SPATA18: variants seen among roughly 807,000 people sequenced by gnomAD.
The protein encoded by SPATA18 is spermatogenesis associated 18.
In SPATA18, 54 loss-of-function variants were observed where a neutral mutation model predicts 68.1. That is an observed-to-expected ratio of 0.79 (90% CI 0.64 to 0.99). The LOEUF is 0.99. Ranked by LOEUF, SPATA18 falls within the 50% of genes least tolerant of loss-of-function variation. The pLI, the probability that SPATA18 is intolerant of heterozygous loss-of-function variation, is 0.00. For missense variants in SPATA18, 724 were observed against 681.1 expected, an observed-to-expected ratio of 1.06 and a Z score of -0.70; for synonymous variants, 242 against 244.8, an observed-to-expected ratio of 0.99 and a Z score of 0.11.
chr4:52,092,701 T>C (rs891462197), intron 11 of SPATA18, among the ~76,000 whole-genome samples: 40 of 152,344 alleles, frequency 2.6e-4, no homozygotes, highest in Admixed American at 1.3e-3. Context: ...GAGCATCTAT[T>C]GTGACTCCTG....
chr4:52,068,521 G>A (rs577224207), intron 4 of SPATA18, among the ~76,000 whole-genome samples: 5 of 152,224 alleles, frequency 3.3e-5, no homozygotes, highest in South Asian at 2.1e-4. Context: ...GGCCCTTGCC[G>A]AGTGGGCATT....
At position 52,095,244 on chromosome 4, in the gene SPATA18, C is replaced by A; in HGVS notation, c.*357C>A. 3.7e-6 allele frequency: 1 copy of A among 271,754 alleles called. No individual in the cohort carries two copies. The highest frequency in any genetic ancestry group is 5.0e-5 in the Admixed American group (1 of 20,134). The allele number at this position is 271,754 out of a possible 1,614,324, so 16.8% of individuals were successfully genotyped here. ...GTGAACTGAAGTGGAAAGCATCTAC[C>A]ATGCTGAGGCTAAAAGAAAAGATGA... On this transcript the variant is annotated 3_prime_UTR_variant, in exon 13 of 13. Transcript: ENST00000295213.
chr4:52,072,273 C>A, intron 6 of SPATA18, 117 bp downstream of exon 6: 1 of 1,459,820 alleles, frequency 6.9e-7, no homozygotes, highest in Non-Finnish European at 9.2e-7. Context: ...CCTCAGCAAT[C>A]TGCCAAGCTT....
chr4:52,054,563 T>C (rs991018320), intron 1 of SPATA18, among the ~76,000 whole-genome samples: 1 of 152,170 alleles, frequency 6.6e-6, no homozygotes, highest in Non-Finnish European at 1.5e-5. Flanking sequence ...GTTACGTTCA[T>C]CCTATATTCA....
intron 4 of SPATA18, among the ~76,000 whole-genome samples, chr4:52,064,271 G>C (rs933945636): frequency 1.3e-5 from 2 of 151,244 alleles, no homozygotes; most frequent in African/African-American, 4.8e-5. Context: ...GGTTTTCTTA[G>C]TTTCTATTTT....
chr4:52,068,815 G>T (rs1739549259), intron 4 of SPATA18, among the ~76,000 whole-genome samples: 1 of 152,132 alleles, frequency 6.6e-6, no homozygotes, highest in Non-Finnish European at 1.5e-5. Context: ...CACTGTTCTG[G>T]GGCAACTTCA....
chr4:52,082,354 A>C (rs1477965138), intron 9 of SPATA18, 33 bp from the exon 10 acceptor site: 1 of 1,600,014 alleles, frequency 6.2e-7, no homozygotes, highest in Non-Finnish European at 8.6e-7. Context: ...TAATTGCTTA[A>C]CTTCTCTTTC....
chr4:52,059,455 G>C (rs557646573), intron 1 of SPATA18, among the ~76,000 whole-genome samples: 2 of 152,306 alleles, frequency 1.3e-5, no homozygotes, highest in East Asian at 3.9e-4. Context: ...TCTTTCAAAG[G>C]AATGAGGAAA....
intron 6 of SPATA18, among the ~76,000 whole-genome samples, chr4:52,074,094 G>A (rs2109467658): frequency 6.6e-6 from 1 of 152,244 alleles, no homozygotes; most frequent in Middle Eastern, 3.4e-3. Context: ...AGTTGCGATA[G>A]TTCCCACAAC....
chr4:52,077,122 G>T (rs946769565), intron 7 of SPATA18, 82 bp downstream of exon 7: 1 of 1,446,046 alleles, frequency 6.9e-7, no homozygotes, highest in Non-Finnish European at 9.3e-7. Flanking sequence ...AACTTACAAA[G>T]ACTAGTGGAT....
chr4:52,069,277 A>C (rs1403251488), intron 4 of SPATA18, among the ~76,000 whole-genome samples: 1 of 152,222 alleles, frequency 6.6e-6, no homozygotes, highest in East Asian at 1.9e-4. Flanking sequence ...GAAAACTCAG[A>C]GAATTTGTGC....
intron 10 of SPATA18, chr4:52,083,221 G>A (rs1741109188): frequency 1.0e-6 from 1 of 985,212 alleles, no homozygotes; most frequent in Admixed American, 6.1e-5. Context: ...TTTTACCCCT[G>A]CCTTTCCTAG....
chr4:52,078,948 T>C (rs1455673892), intron 8 of SPATA18, 55 bp downstream of exon 8: 6 of 1,477,204 alleles, frequency 4.1e-6, no homozygotes, highest in Middle Eastern at 3.7e-4. Flanking sequence ...GCAGTTTATA[T>C]TGAGTACTAA....
intron 11 of SPATA18, among the ~76,000 whole-genome samples, chr4:52,091,985 G>A (rs1403614305): frequency 6.6e-6 from 1 of 152,178 alleles, no homozygotes; most frequent in Non-Finnish European, 1.5e-5. Flanking sequence ...GAACTTCCTA[G>A]CAGCTTTGTT....
At chr4:52,081,167 T>C (rs1740888081) in intron 9 of SPATA18, among the ~76,000 whole-genome samples, 1 of 152,228 alleles carries the variant, frequency 6.6e-6, no homozygotes, top group African/African-American at 2.4e-5. Context: ...TTCAGAACCA[T>C]TCACCATTTT....
Position 52,084,239 on chromosome 4 carries a change from A to G in SPATA18, c.1480-677A>G, listed in dbSNP as rs568342082. 2.9e-3 allele frequency among the ~76,000 whole-genome samples: 435 copies of G among 152,304 alleles called. 2 individuals carry two copies. The highest frequency in any genetic ancestry group is 4.5e-3 in the Non-Finnish European group (308 of 68,030). On this transcript the variant is annotated intron_variant, in intron 10 of 12. Transcript: ENST00000295213. ...AATACCCATTATTCTTACGTTTTAC[A>G]TCAAATAGCCATTGCCTTTTAACTT...
At position 52,067,206 on chromosome 4, in the gene SPATA18, G is replaced by A. The variant is rs139956412; in HGVS notation, c.423-2615G>A. On this transcript the variant is annotated intron_variant, in intron 4 of 12. Coordinates refer to ENST00000295213, the MANE Select transcript of SPATA18 (RefSeq NM_145263.4). ...ATAATCGCCATTCTGACTAGCATGA[G>A]ATGGTATCTCATTGTGGCTTTGATT... 3.3e-3 allele frequency among the ~76,000 whole-genome samples: 507 copies of A among 152,266 alleles called. 2 individuals carry two copies. The highest frequency in any genetic ancestry group is 5.8e-3 in the Non-Finnish European group (396 of 68,018).
intron 3 of SPATA18, 97 bp downstream of exon 3, chr4:52,060,994 T>G: frequency 1.1e-6 from 1 of 917,012 alleles, no homozygotes; most frequent in Non-Finnish European, 1.7e-6. Flanking sequence ...TTTGGTAGAC[T>G]GATAGAGTGT....
In SPATA18 at chr4:52,095,044, G is replaced by A. The variant is rs1742314590; in HGVS notation, c.*157G>A. 1.2e-6 allele frequency: 1 copy of A among 810,160 alleles called. No homozygotes were observed. The highest frequency in any genetic ancestry group is 2.0e-6 in the Non-Finnish European group (1 of 491,476). 50.2% of individuals were successfully genotyped at this position (810,160 alleles called of 1,614,324 possible). ...CACAGAGAGTTAAATGTTTTGGCTT[G>A]GCGCATTTGTAACTTTAGATATATT... is the stretch of plus-strand genomic sequence containing the variant. On this transcript the variant is annotated 3_prime_UTR_variant, in exon 13 of 13. Coordinates refer to ENST00000295213, the MANE Select transcript of SPATA18 (RefSeq NM_145263.4).
Sources: gnomAD v4.1 joint callset for allele counts (sites outside exome capture counted in the v4.1 genomes callset) on GRCh38, gnomAD v4.1.1 for gene constraint, MANE v1.5 for transcripts, NCBI Gene and HGNC (gene_info 2026-07-23, HGNC 2026-07-21) for gene names.